The following ACAN variants were observed in gnomAD, a reference collection of about 807,000 sequenced individuals.
The protein encoded by ACAN is aggrecan, also known as aggrecan core protein.
Under a neutral mutation model 169.1 loss-of-function variants are expected in ACAN, and 47 were observed. The ratio of observed to expected loss-of-function variants is 0.28; its 90% CI spans 0.22 to 0.35. The LOEUF is 0.35. Ranked by LOEUF, ACAN falls within the 10% of genes least tolerant of loss-of-function variation. The pLI is 1.00. For synonymous variants in ACAN, 1,115 were observed against 1,112.2 expected (o/e 1.00, Z -0.05); for missense variants, 2,716 against 2,759.9 (o/e 0.98, Z 0.36).
Position 88,857,581 on chromosome 15 carries a change from T to C in ACAN, c.4996T>C (p.Leu1666=). 1 of 1,613,890 alleles carries C rather than the reference T, an allele frequency of 6.2e-7. No individual in the cohort carries two copies. The change falls in exon 12 of 19, where the codon TTG becomes CTG. Residue 1666 remains leucine, a synonymous_variant. Transcript: ENST00000560601. ...FPTVSLVDST[L]VEVVTASTAS... is the part of the protein sequence containing the mutation. ...AACTGTTTCCCTAGTGGATTCTACA[T>C]TGGTGGAAGTGGTCACAGCCTCCAC...
rs764735682 is a variant in ACAN, at chr15:88,873,047, G to A, written c.7447+22G>A. 12 of 1,608,114 alleles carry A rather than the reference G, an allele frequency of 7.5e-6. No individual in the cohort carries two copies. The highest frequency in any genetic ancestry group is 1.0e-5 in the Non-Finnish European group (12 of 1,177,240). Reference sequence around the variant, plus strand: ...ACAGGTAAGCTGGCGCCTGGGAGGGGTCAGGGGAGGATAGGATCAAGACCT... The same window carrying A: ...ACAGGTAAGCTGGCGCCTGGGAGGGATCAGGGGAGGATAGGATCAAGACCT... On this transcript the variant is annotated intron_variant, in intron 17 of 18. Transcript: ENST00000560601. The surrounding 1 kb of genome is among the most constrained non-coding windows in gnomAD (Gnocchi z 7.5).
At position 88,854,842 on chromosome 15, in the gene ACAN, T is replaced by C. The variant is rs767174263; in HGVS notation, c.2267-10T>C. ...ACCCACACTTCATCTTTCTTCCTTCTTTCCTACAGGGATCCTTCCTACTTG... is the reference window on the plus strand; with the variant it reads ...ACCCACACTTCATCTTTCTTCCTTCCTTCCTACAGGGATCCTTCCTACTTG... On this transcript the variant is annotated splice_polypyrimidine_tract_variant and intron_variant, in intron 11 of 18. Coordinates refer to ENST00000560601, the MANE Select transcript of ACAN (RefSeq NM_001369268.1). 6 of 1,455,918 alleles carry C rather than the reference T, an allele frequency of 4.1e-6. No homozygotes were observed. The highest frequency in any genetic ancestry group is 9.1e-7 in the Non-Finnish European group (1 of 1,102,406). 90.2% of individuals were successfully genotyped at this position (1,455,918 alleles called of 1,614,324 possible).
intron 11 of ACAN, among the ~76,000 whole-genome samples, chr15:88,852,883 C>T (rs1351151800): frequency 6.6e-6 from 1 of 152,210 alleles, no homozygotes; most frequent in African/African-American, 2.4e-5. Context: ...GTATGTGCAT[C>T]TGAAGAAAGG....
rs1182249328 is a variant in ACAN, at chr15:88,845,364, G to C, written c.1052-141G>C. On this transcript the variant is annotated intron_variant, in intron 6 of 18. Coordinates refer to ENST00000560601, the MANE Select transcript of ACAN (RefSeq NM_001369268.1). ...GCTGAGTACCCCTGAAATGGGCTTG[G>C]CAAGGTGCCTGGCACACAGTGGTGC... 11 of 1,281,668 alleles carry C rather than the reference G, an allele frequency of 8.6e-6. No homozygotes were observed. The East Asian group carries it at 1.8e-4, about 21-fold the overall frequency. 79.4% of individuals were successfully genotyped at this position (1,281,668 alleles called of 1,614,324 possible).
intron 1 of ACAN, among the ~76,000 whole-genome samples, chr15:88,817,678 A>T (rs1181711410): frequency 6.6e-6 from 1 of 151,652 alleles, no homozygotes; most frequent in Non-Finnish European, 1.5e-5. Context: ...ACATGGTGAA[A>T]CCCTGTCTCT....
At position 88,873,440 on chromosome 15, in the gene ACAN, T is replaced by A. The variant is rs531788046; in HGVS notation, c.7448-402T>A. 6.6e-6 allele frequency among the ~76,000 whole-genome samples: 1 copy of A among 152,328 alleles called. No homozygotes were observed. Among genetic ancestry groups the A allele is most frequent in the South Asian group, 2.1e-4 (1 of 4,826 alleles). ...GGCCTCGATCCTTTGGCTTTCAGTC[T>A]GTGGACATTGAGGTGCTGGTAGGAT... On this transcript the variant is annotated intron_variant, in intron 17 of 18. Coordinates refer to ENST00000560601, the MANE Select transcript of ACAN (RefSeq NM_001369268.1). The surrounding 1 kb of genome is among the most constrained non-coding windows in gnomAD (Gnocchi z 7.5).
chr15:88,872,846 C>T lies in ACAN; in HGVS notation c.7303-35C>T. The T allele has an allele frequency of 6.2e-7, 1 of 1,611,232 alleles. No individual in the cohort carries two copies. ...GAGCAGGCCAACCCGCACTGTCCTG[C>T]CCTCTCCTTACTCCTTCCCCACTCC... On this transcript the variant is annotated intron_variant, in intron 16 of 18. Coordinates refer to ENST00000560601, the MANE Select transcript of ACAN (RefSeq NM_001369268.1). This position sits in a 1 kb window ranked among gnomAD's most constrained non-coding sequence, Gnocchi z 5.4.
rs7176941 is a variant in ACAN at position 88,807,736 on chromosome 15, A to G, written c.-8+3927A>G. Among the ~76,000 whole-genome samples the G allele has an allele frequency of 0.52, 76,665 of 148,294 alleles. 20,143 individuals are homozygous for G. The highest frequency in any genetic ancestry group is 0.91 in the East Asian group (4,593 of 5,074). On this transcript the variant is annotated intron_variant, in intron 1 of 18. Coordinates refer to ENST00000560601, the MANE Select transcript of ACAN (RefSeq NM_001369268.1). The surrounding 1 kb of genome is among the most constrained non-coding windows in gnomAD (Gnocchi z 4.0). ...ACTTTTAAAAACTCAGAGCCTCCTTATAAGTGGTGGAGTGTGTGTGTGTGT... is the reference window on the plus strand; with the variant it reads ...ACTTTTAAAAACTCAGAGCCTCCTTGTAAGTGGTGGAGTGTGTGTGTGTGT...
Position 88,857,948 on chromosome 15 carries a change from A to G in ACAN, c.5363A>G (p.Glu1788Gly). The G allele has an allele frequency of 6.2e-7, 1 of 1,613,720 alleles. No homozygotes were observed. Among genetic ancestry groups the G allele is most frequent in the Non-Finnish European group, 8.5e-7 (1 of 1,179,860 alleles). Residue 1788 changes from glutamate to glycine, a missense_variant, in exon 12 of 19, where the codon GAA (glutamate) becomes GGA (glycine). Physicochemically the swap from Glu to Gly is moderately conservative, Grantham distance 98. Coordinates refer to ENST00000560601, the MANE Select transcript of ACAN (RefSeq NM_001369268.1). ...QPFGITDLSG[E>G]TSGVPDLSGQ... The stretch of plus-strand genomic sequence containing the variant: ...TTTGGCATAACTGATCTGAGTGGAG[A>G]AACATCTGGGGTCCCTGATCTCAGT...
rs368320305 is a variant in ACAN, at chr15:88,860,457, C to T, written c.6946+18C>T. ...TAACATAGGTAAGGCCCTCATTGGC[C>T]GTGGAGAGTGAGGGCGGAGGCGCTG... On this transcript the variant is annotated intron_variant, in intron 13 of 18. Transcript: ENST00000560601. The T allele has an allele frequency of 1.6e-4, 263 of 1,603,836 alleles. No individual in the cohort carries two copies. The highest frequency in any genetic ancestry group is 2.7e-4 in the Admixed American group (16 of 59,734).
rs760286695 is a variant in ACAN, at chr15:88,849,406, G to A, written c.1733-32G>A. 2.0e-6 allele frequency: 3 copies of A among 1,532,352 alleles called. No individual in the cohort carries two copies. Among genetic ancestry groups the A allele is most frequent in the East Asian group, 4.6e-5 (2 of 43,290 alleles). 94.9% of individuals were successfully genotyped at this position (1,532,352 alleles called of 1,614,324 possible). Reference sequence around the variant, plus strand: ...GATGGACCTGGCCTGAGTGTGGGGGGGTCATATTCTACCCCTTGCCTCTGC... The same window carrying A: ...GATGGACCTGGCCTGAGTGTGGGGGAGTCATATTCTACCCCTTGCCTCTGC... On this transcript the variant is annotated intron_variant, in intron 9 of 18. Coordinates refer to ENST00000560601, the MANE Select transcript of ACAN (RefSeq NM_001369268.1). This position sits in a 1 kb window ranked among gnomAD's most constrained non-coding sequence, Gnocchi z 5.1.
intron 1 of ACAN, among the ~76,000 whole-genome samples, chr15:88,830,955 A>C (rs980143709): frequency 4.6e-5 from 7 of 152,186 alleles, no homozygotes; most frequent in Non-Finnish European, 1.0e-4. Flanking sequence ...CATCGTAGGT[A>C]CAGTTTGTTG....
chr15:88,862,509 G>T (rs900288813), intron 13 of ACAN, among the ~76,000 whole-genome samples: 1 of 152,200 alleles, frequency 6.6e-6, no homozygotes, highest in Non-Finnish European at 1.5e-5. Context: ...CATCTCCAAA[G>T]AGTGAGTGGT....
rs769205516 is a variant in ACAN, at chr15:88,840,061, T to G, written c.504T>G (p.Phe168Leu). Residue 168 changes from phenylalanine (F) to leucine (L), a missense_variant, in exon 4 of 19, where the codon TTT becomes TTG. Phe to Leu is a conservative substitution (Grantham distance 22). Coordinates refer to ENST00000560601, the MANE Select transcript of ACAN (RefSeq NM_001369268.1). ...TCTCTACACGCTACACCCTCGACTT[T>G]GACAGGGCGCAGCGGGCCTGCCTGC... ...RAISTRYTLD[F>L]DRAQRACLQN... is the part of the protein sequence containing the mutation. The G allele has an allele frequency of 6.2e-7, 1 of 1,603,390 alleles. No homozygotes were observed. Among genetic ancestry groups the G allele is most frequent in the African/African-American group, 1.3e-5 (1 of 74,778 alleles).
In ACAN at chr15:88,871,558, T is replaced by C; in HGVS notation, c.7219+18T>C. 5.6e-6 allele frequency: 9 copies of C among 1,602,752 alleles called. No homozygotes were observed. Among genetic ancestry groups the C allele is most frequent in the Non-Finnish European group, 7.7e-6 (9 of 1,174,766 alleles). On this transcript the variant is annotated intron_variant, in intron 15 of 18. Transcript: ENST00000560601. The surrounding 1 kb of genome is among the most constrained non-coding windows in gnomAD (Gnocchi z 7.8). The stretch of plus-strand genomic sequence containing the variant: ...TGTCAACAGTGAGTGCGGCGGGGCC[T>C]CTGGAGCCTGAGAGGAGAGTGGCGG...
At position 88,858,734 on chromosome 15, in the gene ACAN, T is replaced by C; in HGVS notation, c.6149T>C (p.Ile2050Thr). ...EFVEGVTEPT[I>T]SQELGQRPPV... ...GTGGAGGGTGTTACTGAACCAACTA[T>C]TTCTCAGGAACTAGGCCAAAGGCCC... The change falls in exon 12 of 19, where the codon ATT becomes ACT. Residue 2050 changes from isoleucine to threonine, a missense_variant. Transcript: ENST00000560601. The surrounding 1 kb of genome is among the most constrained non-coding windows in gnomAD (Gnocchi z 4.0). 6.2e-7 allele frequency: 1 copy of C among 1,613,930 alleles called. No individual in the cohort carries two copies. Among genetic ancestry groups the C allele is most frequent in the Non-Finnish European group, 8.5e-7 (1 of 1,179,884 alleles).
chr15:88,863,916 A>G (rs1897242701), intron 13 of ACAN, among the ~76,000 whole-genome samples: 1 of 152,268 alleles, frequency 6.6e-6, no homozygotes. Flanking sequence ...GCACACCTGT[A>G]ATCCCAGAAC....
At chr15:88,864,663 G>C (rs1438159231) in intron 13 of ACAN, among the ~76,000 whole-genome samples, 2 of 152,198 alleles carry the variant, frequency 1.3e-5, no homozygotes, top group African/African-American at 4.8e-5. Context: ...CAACCAGAAA[G>C]TTAGTGTATC....
At chr15:88,863,317 G>A (rs1897233885) in intron 13 of ACAN, among the ~76,000 whole-genome samples, 2 of 152,100 alleles carry the variant, frequency 1.3e-5, no homozygotes, top group South Asian at 4.1e-4. Context: ...ATCACCCAAG[G>A]GAATTAGGCT....
Sources: gnomAD v4.1 joint callset for allele counts (sites outside exome capture counted in the v4.1 genomes callset) on GRCh38, gnomAD v4.1.1 for gene constraint, Gnocchi (gnomAD v3.1) non-coding constraint, MANE v1.5 for transcripts, NCBI Gene and HGNC (gene_info 2026-07-23, HGNC 2026-07-21) for gene names.